ZFP91: variants seen among roughly 807,000 people sequenced by gnomAD.
ZFP91 encodes ZFP91 zinc finger protein, atypical E3 ubiquitin ligase, also known as E3 ubiquitin-protein ligase ZFP91.
Under a neutral mutation model 63.5 loss-of-function variants are expected in ZFP91, and 7 were observed. The ratio of observed to expected loss-of-function variants is 0.11; its 90% confidence interval spans 0.06 to 0.21. The LOEUF (loss-of-function observed/expected upper bound fraction) is 0.21. ZFP91 is among the 10% of genes least tolerant of loss of function. The pLI is 1.00. For synonymous variants in ZFP91, 330 were observed against 272.1 expected, an observed-to-expected ratio of 1.21 and a Z score of -2.10; for missense variants, 628 against 736.6, an observed-to-expected ratio of 0.85 and a Z score of 1.71.
At position 58,617,196 on chromosome 11, in the gene ZFP91, A is replaced by G. The variant is rs756494009; in HGVS notation, c.1203A>G (p.Gln401=). Residue 401 remains glutamine, a splice_region_variant and synonymous_variant, in exon 11 of 11, where the codon CAA becomes CAG. Coordinates refer to ENST00000316059, the MANE Select transcript of ZFP91 (RefSeq NM_053023.5). The surrounding 1 kb of genome is among the most constrained non-coding windows in gnomAD (Gnocchi z 4.2). ...CCATTTCCTTTTCTCCTCTCCTTAG[A>G]TGTGAGATCTGTGGATTTACTTGTC... ...RMIHTGEKPL[Q]CEICGFTCRQ... 9 of 1,580,596 alleles carry G rather than the reference A, an allele frequency of 5.7e-6. No homozygotes were observed. The South Asian group carries it at 8.3e-5, about 15-fold the overall frequency.
At chr11:58,582,274 T>G (rs771069248) in intron 1 of ZFP91, among the ~76,000 whole-genome samples, 80 of 152,214 alleles carry the variant, frequency 5.3e-4, no homozygotes, top group Non-Finnish European at 9.4e-4. Context: ...AAGACTTAAT[T>G]TTTTCTACAT....
rs896207272 is a variant in ZFP91, at chr11:58,617,098, G to GTGTA, written c.1203-97_1203-96insGTAT. The GTGTA allele has an allele frequency of 1.0e-6, 1 of 987,402 alleles. No homozygotes were observed. 61.2% of individuals were successfully genotyped at this position (987,402 alleles called of 1,614,324 possible). Reference sequence around the variant, plus strand: ...TGTGTGTGTGTGTGTGTGTGTGTGTGTATGTATATATATGCTCTAAACTCT... The same window carrying GTGTA: ...TGTGTGTGTGTGTGTGTGTGTGTGTGTGTATATGTATATATATGCTCTAAACTCT... On this transcript the variant is annotated intron_variant, in intron 10 of 10. Coordinates refer to ENST00000316059, the MANE Select transcript of ZFP91 (RefSeq NM_053023.5). The surrounding 1 kb of genome is among the most constrained non-coding windows in gnomAD (Gnocchi z 4.2).
chr11:58,607,042 G>A (rs1260593678), intron 2 of ZFP91, among the ~76,000 whole-genome samples: 2 of 151,220 alleles, frequency 1.3e-5, no homozygotes, highest in African/African-American at 4.9e-5. Context: ...TTATCAAATT[G>A]GCATCATTTA....
At chr11:58,604,107 T>G (rs927286471) in intron 2 of ZFP91, among the ~76,000 whole-genome samples, 1 of 152,228 alleles carries the variant, frequency 6.6e-6, no homozygotes, top group Non-Finnish European at 1.5e-5. Context: ...AGGTACAGAC[T>G]ACTACGGGTT....
rs1855781881 is a variant in ZFP91 at position 58,618,115 on chromosome 11, A to G, written c.*409A>G. On this transcript the variant is annotated 3_prime_UTR_variant, in exon 11 of 11. Transcript: ENST00000316059. ...TCTTCTAAATCCCTTCTCCTCCTCT[A>G]CTGCTGCCCTATGGTTCTGGCTCCT... The G allele has an allele frequency of 1.9e-5, 3 of 158,204 alleles. No individual in the cohort carries two copies. Among genetic ancestry groups the G allele is most frequent in the African/African-American group, 7.2e-5 (3 of 41,416 alleles). The allele number at this position is 158,204 out of a possible 1,614,324, so 9.8% of individuals were successfully genotyped here. A position where few individuals can be genotyped will look rare whatever the true frequency, so the allele number is the denominator to read the frequency against.
chr11:58,603,203 C>T (rs577341073), intron 2 of ZFP91, among the ~76,000 whole-genome samples: 16 of 152,290 alleles, frequency 1.1e-4, no homozygotes, highest in Admixed American at 9.8e-4. Context: ...AGTAGATTTA[C>T]AAACAACGTG....
chr11:58,584,131 A>G (rs1855164906), intron 1 of ZFP91, among the ~76,000 whole-genome samples: 2 of 152,070 alleles, frequency 1.3e-5, no homozygotes, highest in African/African-American at 4.8e-5. Context: ...AAAAATCTTC[A>G]GGCTATAACA....
At chr11:58,581,785 AACTGTT>A (rs1369104883) in intron 1 of ZFP91, among the ~76,000 whole-genome samples, 4 of 152,176 alleles carry the variant, frequency 2.6e-5, no homozygotes, top group African/African-American at 9.7e-5. Context: ...AATTCCATAT[AACTGTT>A]ACTGTTGTAT....
In ZFP91 at chr11:58,617,184, T is replaced by C. The variant is rs2134426666; in HGVS notation, c.1203-12T>C. The C allele has an allele frequency of 6.4e-7, 1 of 1,554,146 alleles. No homozygotes were observed. ...CTGTTGGATCAGCCATTTCCTTTTC[T>C]CCTCTCCTTAGATGTGAGATCTGTG... is the stretch of plus-strand genomic sequence containing the variant. On this transcript the variant is annotated splice_polypyrimidine_tract_variant and intron_variant, in intron 10 of 10. Transcript: ENST00000316059. This position sits in a 1 kb window ranked among gnomAD's most constrained non-coding sequence, Gnocchi z 4.2.
rs116276484 is a variant in ZFP91 at position 58,612,903 on chromosome 11, G to A, written c.987+63G>A. ...GTTCCATTACTTGTTCTTGCACCAC[G>A]AGACTTTAATTTGTTGGCTTGTGTA... On this transcript the variant is annotated intron_variant, in intron 8 of 10. Transcript: ENST00000316059. 619 of 1,415,516 alleles carry A rather than the reference G, an allele frequency of 4.4e-4. 3 individuals are homozygous for A. The African/African-American group carries it at 7.7e-3, about 18-fold the overall frequency. 87.7% of individuals were successfully genotyped at this position (1,415,516 alleles called of 1,614,324 possible).
At chr11:58,595,413 T>TA (rs1317180768) in intron 2 of ZFP91, among the ~76,000 whole-genome samples, 1 of 152,150 alleles carries the variant, frequency 6.6e-6, no homozygotes, top group Non-Finnish European at 1.5e-5. Context: ...CCTTCTAACT[T>TA]AAAGTATTTT....
intron 2 of ZFP91, among the ~76,000 whole-genome samples, chr11:58,587,541 A>G (rs904339272): frequency 3.9e-5 from 6 of 152,210 alleles, no homozygotes; most frequent in African/African-American, 1.4e-4. Context: ...TACCACTGGC[A>G]GAGGATTATC....
At chr11:58,591,447 T>A (rs1371358374) in intron 2 of ZFP91, among the ~76,000 whole-genome samples, 1 of 152,166 alleles carries the variant, frequency 6.6e-6, no homozygotes, top group Non-Finnish European at 1.5e-5. Context: ...GTTATTGGGA[T>A]GTAATTTATA....
Position 58,614,252 on chromosome 11 carries a change from G to T in ZFP91, c.1011G>T (p.Leu337Phe). Reference sequence around the variant, plus strand: ...AGCACCACATTAAATACCAGCATTTGCTGAAGAAGAAATATGTATGTCCCC... The same window carrying T: ...AGCACCACATTAAATACCAGCATTTTCTGAAGAAGAAATATGTATGTCCCC... ...YLQHHIKYQH[L>F]LKKKYVCPHP... The change falls in exon 9 of 11, where the codon TTG (leucine) becomes TTT (phenylalanine). Residue 337 changes from leucine (L) to phenylalanine (F), a missense_variant. Leu to Phe is a conservative substitution (Grantham distance 22). This residue lies in a region of ZFP91 where 76 missense variants were observed against 230.9 expected (regional missense o/e 0.33). Transcript: ENST00000316059. 1 of 1,603,562 alleles carries T rather than the reference G, an allele frequency of 6.2e-7. No homozygotes were observed. The highest frequency in any genetic ancestry group is 8.5e-7 in the Non-Finnish European group (1 of 1,174,724).
chr11:58,598,765 TG>T (rs1281649825), intron 2 of ZFP91, among the ~76,000 whole-genome samples: 6 of 148,572 alleles, frequency 4.0e-5, no homozygotes, highest in East Asian at 1.9e-4. Context: ...TGTGTGTGTG[TG>T]TGTGTGTGTG....
intron 2 of ZFP91, among the ~76,000 whole-genome samples, chr11:58,590,710 A>G (rs1172239224): frequency 6.6e-6 from 1 of 152,126 alleles, no homozygotes; most frequent in Non-Finnish European, 1.5e-5. Flanking sequence ...TTTTTATCCC[A>G]TATATCCCTG....
At chr11:58,616,856 A>G (rs1180664176) in intron 10 of ZFP91, 41 bp downstream of exon 10, 1 of 1,577,556 alleles carries the variant, frequency 6.3e-7, no homozygotes, top group Non-Finnish European at 8.7e-7. Flanking sequence ...TGAGAAGGAT[A>G]TATGCCCTAC....
chr11:58,612,672 A>G, intron 7 of ZFP91, 90 bp from the exon 8 acceptor site: 2 of 954,576 alleles, frequency 2.1e-6, no homozygotes, highest in Non-Finnish European at 3.2e-6. Flanking sequence ...TAAAATAGCT[A>G]TTCCCAATAG....
intron 2 of ZFP91, among the ~76,000 whole-genome samples, chr11:58,590,353 T>G: frequency 6.6e-6 from 1 of 152,180 alleles, no homozygotes; most frequent in East Asian, 1.9e-4. Context: ...ATCTAAAAAT[T>G]TAGTGGCTTA....
Sources: allele counts gnomAD v4.1 joint callset (sites outside exome capture counted in the v4.1 genomes callset), GRCh38; gene constraint gnomAD v4.1.1; regional missense constraint gnomAD v4.1.1; non-coding constraint Gnocchi (gnomAD v3.1); transcripts MANE v1.5; gene names NCBI Gene and HGNC (gene_info 2026-07-23, HGNC 2026-07-21).